Variants in PM20D1 observed in about 807,000 individuals in gnomAD.
PM20D1 encodes peptidase M20 domain containing 1.
PM20D1 carries 53 observed loss-of-function variants against 53.8 expected under a neutral mutation model. The observed-to-expected ratio is 0.98, with a 90% CI of 0.79 to 1.24. The LOEUF is 1.24. Ranked by LOEUF, PM20D1 falls within the 50% of genes most tolerant of loss-of-function variation. The probability of loss-of-function intolerance (pLI) is 0.00; values close to 1 mark genes in which losing one functional copy is unlikely to be tolerated. For synonymous variants in PM20D1, 239 were observed against 241.3 expected (o/e 0.99, Z 0.09); for missense variants, 564 against 616.8 (o/e 0.91, Z 0.91).
intron 10 of PM20D1, 86 bp downstream of exon 10, chr1:205,840,166 C>T (rs550883903): frequency 5.6e-6 from 7 of 1,245,886 alleles, no homozygotes; most frequent in Non-Finnish European, 6.9e-6. Flanking sequence ...ACTGGACCAG[C>T]CCTAGGACTG....
chr1:205,847,006 CTTTTTTTTTTTTTT>C lies in PM20D1; in HGVS notation c.256+865_256+878del, dbSNP rs778538865. ...TTTTTGTTTTTTCCTTCCTTCCTTTCTTTTTTTTTTTTTTTTTTTTTTTTTTTCAGAGACAAGGT... is the reference window on the plus strand; with the variant it reads ...TTTTTGTTTTTTCCTTCCTTCCTTTCTTTTTTTTTTTTTCAGAGACAAGGT... On this transcript the variant is annotated intron_variant, in intron 2 of 12. Coordinates refer to ENST00000367136, the MANE Select transcript of PM20D1 (RefSeq NM_152491.5). 4.7e-4 allele frequency among the ~76,000 whole-genome samples: 21 copies of C among 44,672 alleles called. No individual in the cohort carries two copies. In the East Asian group the frequency reaches 5.5e-3, roughly 12 times the overall value. 29.3% of individuals were successfully genotyped at this position (44,672 alleles called of 152,430 possible). A position where few individuals can be genotyped will look rare whatever the true frequency, so the allele number is the denominator to read the frequency against.
intron 12 of PM20D1, 41 bp downstream of exon 12, chr1:205,830,238 AT>A: frequency 7.1e-7 from 1 of 1,407,132 alleles, no homozygotes; most frequent in Non-Finnish European, 1.0e-6. Context: ...CATCAAGTGT[AT>A]TTCTTTTCTC....
In PM20D1 at chr1:205,844,017, T is replaced by C. The variant is rs550935332; in HGVS notation, c.707+70A>G. 1.2e-5 allele frequency: 19 copies of C among 1,546,324 alleles called. No individual in the cohort carries two copies. In the African/African-American group the frequency reaches 1.5e-4, roughly 12 times the overall value. ...GAGTTGTCTCAGCATGGCTCACAGA[T>C]ACCAGGCTGGGGTCATCTCAAATGG... is the stretch of plus-strand genomic sequence containing the variant. On this transcript the variant is annotated intron_variant, in intron 5 of 12. Transcript: ENST00000367136.
intron 3 of PM20D1, 75 bp from the exon 4 acceptor site, chr1:205,844,972 A>G: frequency 7.7e-7 from 1 of 1,305,128 alleles, no homozygotes; most frequent in South Asian, 1.2e-5. Context: ...AGAGACATTC[A>G]GTTGCCTGTT....
At chr1:205,842,087 G>A (rs1205216454) in intron 8 of PM20D1, 67 bp downstream of exon 8, 22 of 1,490,024 alleles carry the variant, frequency 1.5e-5, no homozygotes, top group Non-Finnish European at 2.0e-5. Flanking sequence ...TTAAGCCAAG[G>A]AGAGGGGCCT....
intron 12 of PM20D1, among the ~76,000 whole-genome samples, chr1:205,829,061 C>A (rs1439348532): frequency 6.6e-6 from 1 of 152,222 alleles, no homozygotes; most frequent in Non-Finnish European, 1.5e-5. Context: ...GATAGGTTCT[C>A]ACTCTGTAGC....
intron 10 of PM20D1, among the ~76,000 whole-genome samples, chr1:205,836,500 G>C (rs952796773): frequency 6.6e-6 from 1 of 151,992 alleles, no homozygotes; most frequent in African/African-American, 2.4e-5. Flanking sequence ...ATGGTGTCCC[G>C]TAATATCTAA....
Position 205,844,893 on chromosome 1 carries a change from A to C in PM20D1, c.494T>G (p.Leu165Ter). 1 of 1,613,536 alleles carries C rather than the reference A, an allele frequency of 6.2e-7. No homozygotes were observed. The highest frequency in any genetic ancestry group is 8.5e-7 in the Non-Finnish European group (1 of 1,179,846). ...TLDDKNSVMALLQALELLLIR... is the reference protein window; with the variant it reads ...TLDDKNSVMA ...CAGCAGGAGCTCCAAGGCCTGCAGT[A>C]ATGCCTGGGGTTCAGAAGCACAATG... Residue 165 changes from leucine (L) to a stop codon, truncating the protein, a stop_gained, in exon 4 of 13, where the codon TTA becomes TGA. Coordinates refer to ENST00000367136, the MANE Select transcript of PM20D1 (RefSeq NM_152491.5). LOFTEE classifies it high-confidence loss of function.
intron 6 of PM20D1, among the ~76,000 whole-genome samples, chr1:205,843,454 T>C (rs1489412252): frequency 6.6e-6 from 1 of 152,228 alleles, no homozygotes; most frequent in Non-Finnish European, 1.5e-5. Context: ...CATGCTGAGA[T>C]AACTCTTTAT....
At chr1:205,842,122 G>C (rs1370224049) in intron 8 of PM20D1, 32 bp downstream of exon 8, 1 of 1,587,738 alleles carries the variant, frequency 6.3e-7, no homozygotes, top group Non-Finnish European at 8.6e-7. Context: ...TTTGAGGTGA[G>C]GGATGTGAAA....
At chr1:205,834,005 G>C (rs1656624925) in intron 10 of PM20D1, among the ~76,000 whole-genome samples, 1 of 151,478 alleles carries the variant, frequency 6.6e-6, no homozygotes, top group Non-Finnish European at 1.5e-5. Flanking sequence ...GCACCACTAT[G>C]CCTGACTAAT....
chr1:205,847,585 A>C (rs971588955), intron 2 of PM20D1, among the ~76,000 whole-genome samples: 2 of 149,826 alleles, frequency 1.3e-5, no homozygotes, highest in Non-Finnish European at 3.0e-5. Context: ...GCAGTTGCAC[A>C]AGTAGAAGGA....
chr1:205,840,247 C>A lies in PM20D1; in HGVS notation c.1116+5G>T. On this transcript the variant is annotated splice_donor_5th_base_variant and intron_variant, in intron 10 of 12. Transcript: ENST00000367136. ...GAGTTGTTGTCTGGAACATATGGTA[C>A]ATACCTCTTGGACTGTCTGTCCAGG... 1 of 1,612,622 alleles carries A rather than the reference C, an allele frequency of 6.2e-7. No individual in the cohort carries two copies. The highest frequency in any genetic ancestry group is 8.5e-7 in the Non-Finnish European group (1 of 1,178,850).
At chr1:205,840,955 G>T (rs1344342404) in intron 9 of PM20D1, among the ~76,000 whole-genome samples, 1 of 152,202 alleles carries the variant, frequency 6.6e-6, no homozygotes, top group Non-Finnish European at 1.5e-5. Context: ...AGAGGGATCT[G>T]GCTTGTTCTC....
At chr1:205,841,502 G>A (rs7539565) in intron 9 of PM20D1, among the ~76,000 whole-genome samples, 85,847 of 151,906 alleles carry the variant, frequency 0.57, 24,651 homozygotes, top group Non-Finnish European at 0.59. Flanking sequence ...CACACTGGAC[G>A]GTCCAGTGAG....
intron 11 of PM20D1, among the ~76,000 whole-genome samples, chr1:205,830,641 C>T (rs1656537853): frequency 6.6e-6 from 1 of 151,616 alleles, no homozygotes; most frequent in South Asian, 2.1e-4. Context: ...GAAGTGTCCT[C>T]TCCCCATGAC....
At chr1:205,844,775 G>A in intron 4 of PM20D1, 36 bp downstream of exon 4, 1 of 1,590,430 alleles carries the variant, frequency 6.3e-7, no homozygotes, top group Non-Finnish European at 8.6e-7. Context: ...ACCCTCAACA[G>A]AGGACAGAGA....
Position 205,847,889 on chromosome 1 carries a change from A to G in PM20D1, c.252T>C (p.His84=). ...TALAEFGKYI[H]KVFPTVVSTS... Reference sequence around the variant, plus strand: ...TGCCCCTGATTTGCAGCTGACCTTTATGAATGTATTTTCCGAACTCAGCCA... The same window carrying G: ...TGCCCCTGATTTGCAGCTGACCTTTGTGAATGTATTTTCCGAACTCAGCCA... The change falls in exon 2 of 13, where the codon CAT becomes CAC. Residue 84 remains histidine (H), a synonymous_variant. Coordinates refer to ENST00000367136, the MANE Select transcript of PM20D1 (RefSeq NM_152491.5). 2.6e-6 allele frequency: 4 copies of G among 1,564,470 alleles called. No individual in the cohort carries two copies. The East Asian group carries it at 9.0e-5, about 35-fold the overall frequency.
In PM20D1 at chr1:205,844,957, G is replaced by A. The variant is rs530593290; in HGVS notation, c.490-60C>T. ...ACGTTATTTAGGTGGGAATACCAGG[G>A]TATCAGAGACATTCAGTTGCCTGTT... On this transcript the variant is annotated intron_variant, in intron 3 of 12. Coordinates refer to ENST00000367136, the MANE Select transcript of PM20D1 (RefSeq NM_152491.5). The A allele has an allele frequency of 4.9e-6, 7 of 1,439,778 alleles. No homozygotes were observed. In the African/African-American group the frequency reaches 7.0e-5, roughly 14 times the overall value. 89.2% of individuals were successfully genotyped at this position (1,439,778 alleles called of 1,614,324 possible).
Sources: allele counts gnomAD v4.1 joint callset (sites outside exome capture counted in the v4.1 genomes callset), GRCh38; gene constraint gnomAD v4.1.1; transcripts MANE v1.5; gene names NCBI Gene and HGNC (gene_info 2026-07-23, HGNC 2026-07-21).